Variants in MAGI2 observed in about 807,000 individuals in gnomAD.
MAGI2 encodes the protein membrane associated guanylate kinase, WW and PDZ domain containing 2.
MAGI2 carries 35 observed loss-of-function variants against 133.3 expected under a neutral mutation model. The ratio of observed to expected loss-of-function variants is 0.26; its 90% confidence interval spans 0.20 to 0.35. The LOEUF (loss-of-function observed/expected upper bound fraction) is 0.35, where lower values mean the gene tolerates loss of function less well. MAGI2 is among the 10% of genes least tolerant of loss of function. The pLI, the probability that MAGI2 is intolerant of heterozygous loss-of-function variation, is 1.00. For synonymous variants in MAGI2, 729 were observed against 710.6 expected, an observed-to-expected ratio of 1.03 and a Z score of -0.41; for missense variants, 1,636 against 1,863.4, an observed-to-expected ratio of 0.88 and a Z score of 2.25.
rs140828645 is a variant in MAGI2 at position 78,990,905 on chromosome 7, T to TACACACACACACACAC, written c.418+16169_418+16184dup. Reference sequence around the variant, plus strand: ...TGAAATAAGAGATTTTATATGTACATACACACACACACACACACACACACA... The same window carrying TACACACACACACACAC: ...TGAAATAAGAGATTTTATATGTACATACACACACACACACACACACACACACACACACACACACACA... On this transcript the variant is annotated intron_variant, in intron 2 of 21. Coordinates refer to ENST00000354212, the MANE Select transcript of MAGI2 (RefSeq NM_012301.4). Among the ~76,000 whole-genome samples the TACACACACACACACAC allele has an allele frequency of 9.4e-4, 133 of 141,490 alleles. 1 individual carries two copies. The highest frequency in any genetic ancestry group is 1.5e-3 in the Non-Finnish European group (96 of 65,122). The allele number at this position is 141,490 out of a possible 152,430, so 92.8% of individuals were successfully genotyped here. A position where few individuals can be genotyped will look rare whatever the true frequency, so the allele number is the denominator to read the frequency against.
intron 1 of MAGI2, among the ~76,000 whole-genome samples, chr7:79,259,424 A>T (rs1384374289): frequency 6.6e-6 from 1 of 152,180 alleles, no homozygotes; most frequent in Non-Finnish European, 1.5e-5. Context: ...ATAATTTCTT[A>T]TGCATCATCT....
At chr7:78,667,162 T>A (rs1459230117) in intron 2 of MAGI2, among the ~76,000 whole-genome samples, 1 of 152,040 alleles carries the variant, frequency 6.6e-6, no homozygotes, top group Non-Finnish European at 1.5e-5. Context: ...AATGTCATAA[T>A]GAGAATACTG....
intron 21 of MAGI2, among the ~76,000 whole-genome samples, chr7:78,058,421 T>C (rs1812872742): frequency 6.6e-6 from 1 of 152,088 alleles, no homozygotes; most frequent in Non-Finnish European, 1.5e-5. Context: ...GCCACAACTA[T>C]GATGCAGTTG....
intron 5 of MAGI2, among the ~76,000 whole-genome samples, chr7:78,490,788 T>C (rs1230732726): frequency 6.6e-6 from 1 of 152,098 alleles, no homozygotes. Flanking sequence ...ATGTTTACTG[T>C]GTACAGCTGT....
intron 2 of MAGI2, among the ~76,000 whole-genome samples, chr7:78,640,677 G>A (rs1227264871): frequency 3.3e-5 from 5 of 152,274 alleles, no homozygotes; most frequent in African/African-American, 4.8e-5. Context: ...TACCCCTCAC[G>A]GGGAGCAACT....
chr7:79,347,522 A>G (rs1338836015), intron 1 of MAGI2, among the ~76,000 whole-genome samples: 1 of 151,776 alleles, frequency 6.6e-6, no homozygotes, highest in Non-Finnish European at 1.5e-5. Context: ...TATATTTTTA[A>G]CTAGGCCTAT....
At chr7:78,583,068 C>T (rs1803008603) in intron 3 of MAGI2, among the ~76,000 whole-genome samples, 2 of 152,130 alleles carry the variant, frequency 1.3e-5, no homozygotes, top group Admixed American at 1.3e-4. Flanking sequence ...CTCAAGTCAA[C>T]ACGGAGGAAG....
intron 1 of MAGI2, among the ~76,000 whole-genome samples, chr7:79,036,588 A>G (rs1811148457): frequency 6.6e-6 from 1 of 152,204 alleles, no homozygotes. Context: ...CTAGATCAAA[A>G]ATCTCAATCT....
chr7:78,470,863 A>T (rs995043386), intron 6 of MAGI2, among the ~76,000 whole-genome samples: 2 of 152,150 alleles, frequency 1.3e-5, no homozygotes, highest in Admixed American at 6.5e-5. Context: ...GAGATAAAAT[A>T]CTTTACAATA....
chr7:79,070,403 T>C (rs942332693), intron 1 of MAGI2, among the ~76,000 whole-genome samples: 1 of 151,768 alleles, frequency 6.6e-6, no homozygotes, highest in East Asian at 2.0e-4. Context: ...GATTCAGCTA[T>C]TGATACTTGT....
At chr7:78,020,397 G>A (rs908871753) in intron 21 of MAGI2, among the ~76,000 whole-genome samples, 1 of 152,180 alleles carries the variant, frequency 6.6e-6, no homozygotes, top group Non-Finnish European at 1.5e-5. Context: ...TTCCCCGGGA[G>A]GAGCAGGCCC....
At chr7:79,175,532 T>C (rs2129549575) in intron 1 of MAGI2, among the ~76,000 whole-genome samples, 1 of 152,110 alleles carries the variant, frequency 6.6e-6, no homozygotes, top group Non-Finnish European at 1.5e-5. Context: ...TGTTGTAAAC[T>C]GCTCTTCTAA....
At chr7:78,138,680 T>C (rs1387693887) in intron 16 of MAGI2, among the ~76,000 whole-genome samples, 1 of 122,714 alleles carries the variant, frequency 8.1e-6, no homozygotes, top group South Asian at 2.6e-4. Context: ...CACACACAAT[T>C]TGTATGCTCA....
chr7:78,125,291 G>T (rs371273383), intron 20 of MAGI2, among the ~76,000 whole-genome samples: 1 of 151,928 alleles, frequency 6.6e-6, no homozygotes, highest in Non-Finnish European at 1.5e-5. Flanking sequence ...TAAAAGTCCC[G>T]CAAAACCATG....
chr7:78,760,445 C>G (rs777667839), intron 2 of MAGI2, among the ~76,000 whole-genome samples: 1 of 150,928 alleles, frequency 6.6e-6, no homozygotes, highest in African/African-American at 2.4e-5. Flanking sequence ...TCACTTGAAC[C>G]TCCACCTCCT....
intron 2 of MAGI2, among the ~76,000 whole-genome samples, chr7:78,999,039 C>A (rs1303402535): frequency 1.3e-5 from 2 of 152,106 alleles, no homozygotes; most frequent in Non-Finnish European, 2.9e-5. Flanking sequence ...AGAACTCTCT[C>A]CCCATTTATT....
At chr7:78,467,880 T>C (rs1424077139) in intron 6 of MAGI2, among the ~76,000 whole-genome samples, 1 of 152,118 alleles carries the variant, frequency 6.6e-6, no homozygotes, top group African/African-American at 2.4e-5. Flanking sequence ...TCTATATAAA[T>C]TGTCACAAGA....
chr7:78,659,649 TA>T (rs1812717237), intron 2 of MAGI2, among the ~76,000 whole-genome samples: 1 of 151,892 alleles, frequency 6.6e-6, no homozygotes, highest in Admixed American at 6.6e-5. Context: ...ATGCAGGTGG[TA>T]GGGAAATATG....
intron 1 of MAGI2, among the ~76,000 whole-genome samples, chr7:79,223,196 A>G (rs1240435553): frequency 6.6e-6 from 1 of 151,884 alleles, no homozygotes; most frequent in Non-Finnish European, 1.5e-5. Flanking sequence ...TATCTCATTT[A>G]TTTTCATTAA....
Sources: gnomAD v4.1 joint callset for allele counts (sites outside exome capture counted in the v4.1 genomes callset) on GRCh38, gnomAD v4.1.1 for gene constraint, MANE v1.5 for transcripts, NCBI Gene and HGNC (gene_info 2026-07-23, HGNC 2026-07-21) for gene names.